DIAPH3: variants seen among roughly 807,000 people sequenced by gnomAD.
DIAPH3 encodes protein diaphanous homolog 3.
DIAPH3 carries 117 observed loss-of-function variants against 144.3 expected under a neutral mutation model. The ratio of observed to expected loss-of-function variants is 0.81; its 90% confidence interval spans 0.70 to 0.95. The LOEUF is 0.95. Among genes scored for constraint, DIAPH3 ranks in the 40% least tolerant of loss-of-function variants. The pLI is 0.00. For missense variants in DIAPH3, 1,421 were observed against 1,412.7 expected (o/e 1.01, Z -0.09); for synonymous variants, 519 against 488.9 (o/e 1.06, Z -0.81).
chr13:59,697,491 A>AAAAAAG (rs1555274392), intron 27 of DIAPH3, among the ~76,000 whole-genome samples: 39 of 78,000 alleles, frequency 5.0e-4, no homozygotes, highest in East Asian at 2.1e-3. Context: ...AAAAAAAAAA[A>AAAAAAG]AAGAAGAGGG....
At chr13:59,936,672 C>T (rs1018015481) in intron 17 of DIAPH3, among the ~76,000 whole-genome samples, 9 of 152,192 alleles carry the variant, frequency 5.9e-5, no homozygotes, top group East Asian at 1.9e-4. Flanking sequence ...GTTCAAAACC[C>T]GACTGAAGGA....
chr13:59,927,428 G>C (rs187641930), intron 17 of DIAPH3, among the ~76,000 whole-genome samples: 56 of 152,124 alleles, frequency 3.7e-4, no homozygotes, highest in African/African-American at 1.3e-3. Context: ...TTGTAGTTTG[G>C]TGGTTTTCTG....
chr13:60,079,469 G>GTTA (rs1002622690), intron 4 of DIAPH3, among the ~76,000 whole-genome samples: 110 of 152,034 alleles, frequency 7.2e-4, no homozygotes, highest in African/African-American at 2.5e-3. Flanking sequence ...CAAGGTTAGG[G>GTTA]TAAGTTGCTT....
intron 27 of DIAPH3, among the ~76,000 whole-genome samples, chr13:59,673,813 G>C (rs1379412966): frequency 1.3e-5 from 2 of 152,158 alleles, no homozygotes; most frequent in Non-Finnish European, 2.9e-5. Context: ...GTAATCCTCT[G>C]TGCATCCTTA....
intron 7 of DIAPH3, 63 bp downstream of exon 7, chr13:60,015,850 G>A: frequency 1.4e-6 from 2 of 1,389,012 alleles, no homozygotes; most frequent in South Asian, 2.4e-5. Flanking sequence ...TCACTTTACT[G>A]CAACTGAAAA....
intron 21 of DIAPH3, among the ~76,000 whole-genome samples, chr13:59,866,060 A>C (rs2043900613): frequency 6.6e-6 from 1 of 151,978 alleles, no homozygotes; most frequent in Non-Finnish European, 1.5e-5. Flanking sequence ...ACCAGAAACA[A>C]GACAAAATTC....
intron 22 of DIAPH3, among the ~76,000 whole-genome samples, chr13:59,859,249 C>T (rs552321851): frequency 6.6e-4 from 100 of 152,174 alleles, no homozygotes; most frequent in African/African-American, 2.1e-3. Flanking sequence ...AACATACTAA[C>T]GGTGTCTGCT....
Position 59,992,063 on chromosome 13 carries a change from G to A in DIAPH3, c.1244+5C>T, listed in dbSNP as rs549182362. Reference sequence around the variant, plus strand: ...ATTTGACTAGACTTCAGAACAAAAGGATATTCAAGTTCAGCTCTAATATCT... The same window carrying A: ...ATTTGACTAGACTTCAGAACAAAAGAATATTCAAGTTCAGCTCTAATATCT... On this transcript the variant is annotated splice_donor_5th_base_variant and intron_variant, in intron 11 of 27. Coordinates refer to ENST00000400324, the MANE Select transcript of DIAPH3 (RefSeq NM_001042517.2). The A allele has an allele frequency of 2.1e-5, 34 of 1,603,936 alleles. No homozygotes were observed. Among genetic ancestry groups the A allele is most frequent in the Middle Eastern group, 3.3e-4 (2 of 6,018 alleles).
intron 17 of DIAPH3, among the ~76,000 whole-genome samples, chr13:59,960,653 T>G (rs887495406): frequency 6.6e-6 from 1 of 151,956 alleles, no homozygotes; most frequent in African/African-American, 2.4e-5. Context: ...TGTAAATAAC[T>G]GTCAAAAATA....
At chr13:59,787,468 G>T (rs1480858848) in intron 25 of DIAPH3, among the ~76,000 whole-genome samples, 4 of 152,158 alleles carry the variant, frequency 2.6e-5, no homozygotes, top group Non-Finnish European at 4.4e-5. Context: ...GTACCCTCAG[G>T]ACTTTGTGAG....
chr13:59,985,082 T>C (rs1175201796), intron 12 of DIAPH3, among the ~76,000 whole-genome samples: 1 of 140,552 alleles, frequency 7.1e-6, no homozygotes, highest in Non-Finnish European at 1.5e-5. Flanking sequence ...AATAAAATAC[T>C]GGCAAACCGA....
Position 60,009,300 on chromosome 13 carries a change from A to G in DIAPH3, c.909-651T>C, listed in dbSNP as rs1335047896. 2.6e-5 allele frequency among the ~76,000 whole-genome samples: 4 copies of G among 152,348 alleles called. No individual in the cohort carries two copies. The East Asian group carries it at 7.7e-4, about 29-fold the overall frequency. ...TCACAGTTCGTGGACATGGGCATGC[A>G]GTCCTAAATGTTACTTACAGGATCT... is the stretch of plus-strand genomic sequence containing the variant. On this transcript the variant is annotated intron_variant, in intron 8 of 27. Coordinates refer to ENST00000400324, the MANE Select transcript of DIAPH3 (RefSeq NM_001042517.2).
intron 27 of DIAPH3, among the ~76,000 whole-genome samples, chr13:59,769,531 T>C (rs2038017481): frequency 6.6e-6 from 1 of 152,090 alleles, no homozygotes; most frequent in Non-Finnish European, 1.5e-5. Context: ...AACCTAGAGC[T>C]CTAGGCTGGG....
chr13:60,039,911 A>G (rs2055509512), intron 5 of DIAPH3, among the ~76,000 whole-genome samples: 1 of 152,104 alleles, frequency 6.6e-6, no homozygotes, highest in Admixed American at 6.6e-5. Flanking sequence ...TCATTTCTCT[A>G]ATTGGAACAC....
intron 24 of DIAPH3, among the ~76,000 whole-genome samples, chr13:59,824,509 C>T (rs1027248790): frequency 6.6e-6 from 1 of 152,172 alleles, no homozygotes; most frequent in Non-Finnish European, 1.5e-5. Flanking sequence ...AATGAATTGG[C>T]TGAGGCCTAT....
intron 17 of DIAPH3, among the ~76,000 whole-genome samples, chr13:59,958,522 G>A (rs899828179): frequency 1.3e-5 from 2 of 152,012 alleles, no homozygotes; most frequent in African/African-American, 2.4e-5. Flanking sequence ...ATAGTAGTGA[G>A]AGTCACAAAA....
chr13:59,941,267 GC>G lies in DIAPH3; in HGVS notation c.2075-16398del, dbSNP rs2048518187. ...ATAAGGAGTGGCTAGGAAGGATGCA[GC>G]ACATGAGAAAAGGACAGAGTGTCAG... On this transcript the variant is annotated intron_variant, in intron 17 of 27. Coordinates refer to ENST00000400324, the MANE Select transcript of DIAPH3 (RefSeq NM_001042517.2). Among the ~76,000 whole-genome samples the G allele has an allele frequency of 3.3e-5, 5 of 152,212 alleles. No individual in the cohort carries two copies. In the South Asian group the frequency reaches 1.0e-3, roughly 32 times the overall value.
chr13:59,724,413 C>T (rs886292850), intron 27 of DIAPH3, among the ~76,000 whole-genome samples: 9 of 152,026 alleles, frequency 5.9e-5, no homozygotes, highest in East Asian at 1.9e-4. Flanking sequence ...GGGTAATCCA[C>T]GGCCTTATAA....
At chr13:59,859,824 TC>T in intron 22 of DIAPH3, among the ~76,000 whole-genome samples, 1 of 152,336 alleles carries the variant, frequency 6.6e-6, no homozygotes, top group Non-Finnish European at 1.5e-5. Context: ...TTGCCCTATC[TC>T]AGGTGATTTA....
Sources: allele counts gnomAD v4.1 joint callset (sites outside exome capture counted in the v4.1 genomes callset), GRCh38; gene constraint gnomAD v4.1.1; transcripts MANE v1.5; gene names NCBI Gene and HGNC (gene_info 2026-07-23, HGNC 2026-07-21).